THOC2: variants seen among roughly 807,000 people sequenced by gnomAD.
THOC2 encodes the protein THO complex subunit 2, also known as THO complex 2.
Under a neutral mutation model 128.4 loss-of-function variants are expected in THOC2, and 10 were observed. The observed-to-expected ratio is 0.08, with a 90% CI of 0.05 to 0.13. The LOEUF (loss-of-function observed/expected upper bound fraction) is 0.13, where lower values mean the gene tolerates loss of function less well. Ranked by LOEUF, THOC2 falls within the 10% of genes least tolerant of loss-of-function variation. The pLI is 1.00. For synonymous variants in THOC2, 393 were observed against 396.9 expected, an observed-to-expected ratio of 0.99 and a Z score of 0.12; for missense variants, 535 against 1,155.7, an observed-to-expected ratio of 0.46 and a Z score of 7.79.
chrX:123,703,725 C>CAA lies in THOC2; in HGVS notation c.223-222_223-221dup, dbSNP rs761049104. Among the ~76,000 whole-genome samples the CAA allele has an allele frequency of 1.5e-3, 45 of 29,784 alleles. 3 individuals are homozygous for CAA. The East Asian group carries it at 0.032, about 21-fold the overall frequency. The allele number at this position is 29,784 out of a possible 115,157, so 25.9% of individuals were successfully genotyped here. A position where few individuals can be genotyped will look rare whatever the true frequency, so the allele number is the denominator to read the frequency against. On this transcript the variant is annotated intron_variant, in intron 3 of 38. Transcript: ENST00000245838. The stretch of plus-strand genomic sequence containing the variant: ...CCATGTGGTGAAACCCCATCTCTAC[C>CAA]AAAAAAAAAAAAAAAAAAAAAAAAA...
intron 8 of THOC2, among the ~76,000 whole-genome samples, chrX:123,682,410 C>G (rs911304065): frequency 1.2e-4 from 13 of 111,653 alleles, no homozygotes; most frequent in African/African-American, 4.2e-4. Context: ...TCCTACTGTT[C>G]TACTCAATCA....
chrX:123,653,656 G>GA (rs2048450821), intron 12 of THOC2, among the ~76,000 whole-genome samples: 1 of 111,135 alleles, frequency 9.0e-6, no homozygotes, highest in African/African-American at 3.3e-5. Context: ...CAACAAACAT[G>GA]AAAAAAATGC....
At chrX:123,662,449 G>C (rs1255955716) in intron 12 of THOC2, among the ~76,000 whole-genome samples, 1 of 109,083 alleles carries the variant, frequency 9.2e-6, no homozygotes, top group Non-Finnish European at 1.9e-5. Flanking sequence ...TTAGCCGGGC[G>C]TGGTGGTGGG....
chrX:123,603,200 TG>T (rs2046348669), intron 38 of THOC2: 1 of 119,174 alleles, frequency 8.4e-6, no homozygotes, highest in Non-Finnish European at 1.7e-5. Flanking sequence ...AGGGAAATTT[TG>T]GTGACACATT....
intron 4 of THOC2, among the ~76,000 whole-genome samples, chrX:123,700,910 T>C (rs931518562): frequency 5.4e-5 from 6 of 111,298 alleles, no homozygotes; most frequent in Non-Finnish European, 7.5e-5. Flanking sequence ...TTATTAGAGG[T>C]AGCTAGCATT....
chrX:123,665,645 C>A lies in THOC2; in HGVS notation c.1383G>T (p.Lys461Asn). The A allele has an allele frequency of 8.9e-7, 1 of 1,129,430 alleles. No homozygotes were observed. Among genetic ancestry groups the A allele is most frequent in the Non-Finnish European group, 1.2e-6 (1 of 849,030 alleles). 93.1% of individuals were successfully genotyped at this position (1,129,430 alleles called of 1,213,427 possible). A position where few individuals can be genotyped will look rare whatever the true frequency, so the allele number is the denominator to read the frequency against. ...TTGTAAGAAAAATCTTACTTACCTC[C>A]TTCATAAATGACTTGCCTATGCGCA... ...KVVRIGKSFMKEFQSDGSKQE... is the reference protein window; with the variant it reads ...KVVRIGKSFMNEFQSDGSKQE... Residue 461 changes from lysine (K) to asparagine (N), a missense_variant, in exon 12 of 39, where the codon AAG becomes AAT. Coordinates refer to ENST00000245838, the MANE Select transcript of THOC2 (RefSeq NM_001081550.2).
intron 12 of THOC2, among the ~76,000 whole-genome samples, chrX:123,652,351 A>G (rs1453951035): frequency 1.8e-5 from 2 of 112,076 alleles, no homozygotes; most frequent in Non-Finnish European, 3.8e-5. Flanking sequence ...AGCTGGAAGC[A>G]TTCCCTTTGA....
At chrX:123,604,126 G>T (rs777333818) in intron 38 of THOC2, among the ~76,000 whole-genome samples, 64 of 112,224 alleles carry the variant, frequency 5.7e-4, no homozygotes, top group Admixed American at 8.5e-4. Context: ...GGATCACACA[G>T]ATCTATCTTT....
intron 9 of THOC2, among the ~76,000 whole-genome samples, chrX:123,669,720 G>A (rs1475373065): frequency 8.9e-6 from 1 of 111,861 alleles, no homozygotes; most frequent in Non-Finnish European, 1.9e-5. Flanking sequence ...TTGAGAATAT[G>A]TCATTAGATA....
intron 1 of THOC2, among the ~76,000 whole-genome samples, chrX:123,723,446 C>T (rs2051796857): frequency 1.8e-5 from 2 of 111,338 alleles, no homozygotes. Flanking sequence ...CACAAAAACA[C>T]ATGCTTGTAT....
At chrX:123,696,622 A>G in intron 6 of THOC2, 99 bp downstream of exon 6, 1 of 891,711 alleles carries the variant, frequency 1.1e-6, no homozygotes, top group South Asian at 3.2e-5. Context: ...AACAAAAAAA[A>G]CAATCTTCAA....
chrX:123,687,111 GT>G (rs893614759), intron 7 of THOC2, among the ~76,000 whole-genome samples: 3 of 110,246 alleles, frequency 2.7e-5, no homozygotes, highest in African/African-American at 6.6e-5. Context: ...AACAAAAGGG[GT>G]TTTTTTTTAA....
chrX:123,675,917 G>A (rs1346541183), intron 8 of THOC2, among the ~76,000 whole-genome samples: 2 of 111,474 alleles, frequency 1.8e-5, no homozygotes, highest in Non-Finnish European at 3.8e-5. Flanking sequence ...GGAAAAGAGA[G>A]TGCATTAGAA....
intron 12 of THOC2, among the ~76,000 whole-genome samples, chrX:123,655,474 G>A (rs1395092888): frequency 9.0e-6 from 1 of 111,727 alleles, no homozygotes; most frequent in African/African-American, 3.3e-5. Flanking sequence ...TTTTTATTAT[G>A]AAAAATTTCA....
rs772310829 is a variant in THOC2, at chrX:123,648,280, T to C, written c.1387-2905A>G. On this transcript the variant is annotated intron_variant, in intron 12 of 38. Coordinates refer to ENST00000245838, the MANE Select transcript of THOC2 (RefSeq NM_001081550.2). ...GAGGAACAGTGCATTCTGGCCCAGA[T>C]ACTAAGCTTTTCCCACAGTCTTCAC... 3.6e-5 allele frequency among the ~76,000 whole-genome samples: 4 copies of C among 111,963 alleles called. No individual in the cohort carries two copies. In the East Asian group the frequency reaches 1.1e-3, roughly 32 times the overall value.
At chrX:123,717,893 G>A (rs189655213) in intron 1 of THOC2, among the ~76,000 whole-genome samples, 2 of 112,381 alleles carry the variant, frequency 1.8e-5, no homozygotes, top group East Asian at 2.8e-4. Context: ...ATCCTTCTGC[G>A]TCCGCAGGTT....
rs1434277070 is a variant in THOC2, at chrX:123,713,643, G to A, written c.72-735C>T. 8.2e-5 allele frequency among the ~76,000 whole-genome samples: 9 copies of A among 110,349 alleles called. No homozygotes were observed. In the Admixed American group the frequency reaches 8.7e-4, roughly 11 times the overall value. ...ACAGGCAGATAGCTTGAGCCCAGAGGTCAAGACCAGCCTGGGAAACGTGGT... is the reference window on the plus strand; with the variant it reads ...ACAGGCAGATAGCTTGAGCCCAGAGATCAAGACCAGCCTGGGAAACGTGGT... On this transcript the variant is annotated intron_variant, in intron 1 of 38. Coordinates refer to ENST00000245838, the MANE Select transcript of THOC2 (RefSeq NM_001081550.2).
intron 12 of THOC2, among the ~76,000 whole-genome samples, chrX:123,650,490 C>T (rs1223361973): frequency 9.0e-6 from 1 of 111,613 alleles, no homozygotes; most frequent in African/African-American, 3.3e-5. Context: ...GCCAAATGCC[C>T]CTAAATTAAA....
intron 1 of THOC2, among the ~76,000 whole-genome samples, chrX:123,716,766 C>T (rs2051439344): frequency 9.7e-6 from 1 of 103,080 alleles, no homozygotes; most frequent in Non-Finnish European, 2.0e-5. Flanking sequence ...AGTGTGATGG[C>T]GTGCGTCTGT....
Sources: gnomAD v4.1 joint callset for allele counts (sites outside exome capture counted in the v4.1 genomes callset) on GRCh38, gnomAD v4.1.1 for gene constraint, MANE v1.5 for transcripts, NCBI Gene and HGNC (gene_info 2026-07-23, HGNC 2026-07-21) for gene names.